PCED1B: variants seen among roughly 807,000 people sequenced by gnomAD.
The protein encoded by PCED1B is PC-esterase domain containing 1B.
For synonymous variants in PCED1B, 251 were observed against 246.1 expected (o/e 1.02, Z -0.19); for missense variants, 573 against 573.9 (o/e 1.00, Z 0.02).
chr12:47,165,316 A>G (rs1378615234), intron 2 of PCED1B, among the ~76,000 whole-genome samples: 2 of 152,212 alleles, frequency 1.3e-5, no homozygotes, highest in Admixed American at 1.3e-4. Flanking sequence ...TGTGGTTGCA[A>G]AGACACCACT....
intron 1 of PCED1B, among the ~76,000 whole-genome samples, chr12:47,095,525 G>A (rs532822631): frequency 3.3e-5 from 5 of 151,542 alleles, no homozygotes; most frequent in African/African-American, 4.8e-5. Flanking sequence ...CTCCTTTTTG[G>A]AACTCCAATT....
At chr12:47,085,507 G>A (rs1937936085) in intron 1 of PCED1B, among the ~76,000 whole-genome samples, 1 of 152,216 alleles carries the variant, frequency 6.6e-6, no homozygotes, top group African/African-American at 2.4e-5. Flanking sequence ...TTCTTAATGT[G>A]CAACAGGGAT....
At chr12:47,080,249 G>T (rs567615070) in intron 1 of PCED1B, among the ~76,000 whole-genome samples, 1 of 152,172 alleles carries the variant, frequency 6.6e-6, no homozygotes, top group South Asian at 2.1e-4. Context: ...CGGTAATGGG[G>T]TCCAGGAAGG....
intron 1 of PCED1B, among the ~76,000 whole-genome samples, chr12:47,091,975 G>A (rs986779206): frequency 2.0e-5 from 3 of 152,042 alleles, no homozygotes; most frequent in African/African-American, 7.2e-5. Flanking sequence ...ATCTCACAGT[G>A]TAAGTCCTGT....
At chr12:47,212,826 G>C (rs1280192374) in intron 2 of PCED1B, among the ~76,000 whole-genome samples, 2 of 152,202 alleles carry the variant, frequency 1.3e-5, no homozygotes, top group Non-Finnish European at 2.9e-5. Context: ...CTGGAAGTGG[G>C]CCAGAGGAGT....
chr12:47,143,600 G>T (rs1213550398), intron 2 of PCED1B, among the ~76,000 whole-genome samples: 5 of 152,124 alleles, frequency 3.3e-5, no homozygotes, highest in African/African-American at 1.2e-4. Flanking sequence ...TAAATGGAAA[G>T]ATATCCCATG....
chr12:47,207,018 G>A lies in PCED1B; in HGVS notation c.-525-9204G>A, dbSNP rs555056459. Among the ~76,000 whole-genome samples, 7 of 152,306 alleles carry A rather than the reference G, an allele frequency of 4.6e-5. 1 individual carries two copies. Among genetic ancestry groups the A allele is most frequent in the African/African-American group, 1.4e-4 (6 of 41,562 alleles). ...AGCTGAACTCAACTTGGCAGGCTCT[G>A]CCCAGGTAGAAGGAGCTTTGAATGG... is the stretch of plus-strand genomic sequence containing the variant. On this transcript the variant is annotated intron_variant, in intron 2 of 3. Transcript: ENST00000546455.
At chr12:47,231,043 A>C (rs2073817354) in intron 3 of PCED1B, among the ~76,000 whole-genome samples, 1 of 152,218 alleles carries the variant, frequency 6.6e-6, no homozygotes, top group South Asian at 2.1e-4. Flanking sequence ...AGCAAACAGA[A>C]GAGTTAGGAT....
chr12:47,223,138 C>A (rs1943535845), intron 3 of PCED1B, among the ~76,000 whole-genome samples: 1 of 152,012 alleles, frequency 6.6e-6, no homozygotes, highest in African/African-American at 2.4e-5. Context: ...GAAAGACCAA[C>A]ATTTGGGGAA....
intron 2 of PCED1B, among the ~76,000 whole-genome samples, chr12:47,165,058 G>C (rs1038308589): frequency 1.3e-5 from 2 of 152,194 alleles, no homozygotes; most frequent in Non-Finnish European, 2.9e-5. Context: ...GCCTGCCCAG[G>C]TACTGCTTGA....
chr12:47,128,163 T>A (rs1421839292), intron 2 of PCED1B, among the ~76,000 whole-genome samples: 1 of 152,244 alleles, frequency 6.6e-6, no homozygotes, highest in Non-Finnish European at 1.5e-5. Flanking sequence ...TCAGGTCAAA[T>A]TTATGAAATA....
At chr12:47,225,563 G>C (rs1243937397) in intron 3 of PCED1B, among the ~76,000 whole-genome samples, 6 of 152,158 alleles carry the variant, frequency 3.9e-5, no homozygotes, top group Non-Finnish European at 4.4e-5. Flanking sequence ...TGCTGACATA[G>C]ATAAATTATA....
chr12:47,125,110 C>T (rs1939833503), intron 2 of PCED1B, among the ~76,000 whole-genome samples: 1 of 151,936 alleles, frequency 6.6e-6, no homozygotes, highest in East Asian at 1.9e-4. Context: ...TAAAGGATTT[C>T]TCCCATGTTT....
intron 2 of PCED1B, among the ~76,000 whole-genome samples, chr12:47,124,510 G>GTT (rs35428796): frequency 1.4e-5 from 2 of 143,840 alleles, no homozygotes; most frequent in Non-Finnish European, 1.5e-5. Context: ...TATACATGAG[G>GTT]TTTTTTTTTT....
intron 2 of PCED1B, among the ~76,000 whole-genome samples, chr12:47,198,183 A>G (rs1413803643): frequency 2.0e-5 from 3 of 152,254 alleles, no homozygotes; most frequent in African/African-American, 7.2e-5. Context: ...ATGTATAAGA[A>G]GAATTATGCA....
chr12:47,092,768 G>T (rs1938322248), intron 1 of PCED1B, among the ~76,000 whole-genome samples: 2 of 151,956 alleles, frequency 1.3e-5, no homozygotes, highest in African/African-American at 4.8e-5. Flanking sequence ...TGAGATGATT[G>T]TATGATTTTA....
At chr12:47,230,032 C>T (rs994641860) in intron 3 of PCED1B, among the ~76,000 whole-genome samples, 2 of 150,350 alleles carry the variant, frequency 1.3e-5, no homozygotes, top group Non-Finnish European at 2.9e-5. Context: ...CCTCAGCCTC[C>T]TAAAGTGCTG....
intron 2 of PCED1B, among the ~76,000 whole-genome samples, chr12:47,175,155 A>G (rs1177665251): frequency 1.3e-5 from 2 of 152,194 alleles, no homozygotes; most frequent in Non-Finnish European, 2.9e-5. Context: ...ATCGTAAAAG[A>G]GGTAGAATTG....
chr12:47,211,935 C>A lies in PCED1B; in HGVS notation c.-525-4287C>A, dbSNP rs916268448. On this transcript the variant is annotated intron_variant, in intron 2 of 3. Coordinates refer to ENST00000546455, the MANE Select transcript of PCED1B (RefSeq NM_138371.3). The stretch of plus-strand genomic sequence containing the variant: ...CTAAAAATACAAAAAATTAGCCGGG[C>A]GTAGTGGCGGGCGCCTGTAGTCCCA... Among the ~76,000 whole-genome samples, 324 of 151,276 alleles carry A rather than the reference C, an allele frequency of 2.1e-3. 4 individuals carry two copies. Among genetic ancestry groups the A allele is most frequent in the Non-Finnish European group, 2.5e-3 (166 of 67,750 alleles).
Sources: gnomAD v4.1 joint callset for allele counts (sites outside exome capture counted in the v4.1 genomes callset) on GRCh38, gnomAD v4.1.1 for gene constraint, MANE v1.5 for transcripts, NCBI Gene and HGNC (gene_info 2026-07-23, HGNC 2026-07-21) for gene names.